Variants in SLIT3 observed in about 807,000 individuals in gnomAD.
SLIT3 encodes the protein slit guidance ligand 3.
SLIT3 carries 68 observed loss-of-function variants against 184.0 expected under a neutral mutation model. That is an observed-to-expected ratio of 0.37 (90% CI 0.30 to 0.45). The LOEUF (loss-of-function observed/expected upper bound fraction) is 0.45. Among genes scored for constraint, SLIT3 ranks in the 20% least tolerant of loss-of-function variants. The pLI is 1.00. For missense variants in SLIT3, 1,707 were observed against 2,026.0 expected (o/e 0.84, Z 3.02); for synonymous variants, 831 against 828.6 (o/e 1.00, Z -0.05).
chr5:168,997,505 G>C (rs1331748165), intron 4 of SLIT3, among the ~76,000 whole-genome samples: 1 of 152,114 alleles, frequency 6.6e-6, no homozygotes, highest in Non-Finnish European at 1.5e-5. Context: ...GGTATGCGTG[G>C]GGCCCAAGGA....
chr5:168,809,756 C>T (rs1757104210), intron 8 of SLIT3, among the ~76,000 whole-genome samples: 1 of 152,182 alleles, frequency 6.6e-6, no homozygotes, highest in Admixed American at 6.5e-5. Context: ...AAGATAAGTA[C>T]ATAAGGACAC....
At chr5:169,157,628 A>G (rs1014281566) in intron 4 of SLIT3, among the ~76,000 whole-genome samples, 1 of 152,232 alleles carries the variant, frequency 6.6e-6, no homozygotes, top group African/African-American at 2.4e-5. Flanking sequence ...GTCGCACAAC[A>G]TAATACTCAA....
intron 4 of SLIT3, among the ~76,000 whole-genome samples, chr5:168,967,405 C>T (rs1410772781): frequency 4.0e-5 from 6 of 148,992 alleles, no homozygotes; most frequent in Non-Finnish European, 8.9e-5. Context: ...TTCTAAGCTG[C>T]CTTGCATTCC....
chr5:168,773,786 G>A (rs147187730), intron 13 of SLIT3, among the ~76,000 whole-genome samples: 44 of 152,280 alleles, frequency 2.9e-4, no homozygotes, highest in Admixed American at 4.6e-4. Context: ...CAGGGTGGAG[G>A]GGGTTAAGCG....
chr5:169,251,462 G>A lies in SLIT3; in HGVS notation c.198-3C>T. ...TGATATTATTTCTGTCCAGGTCACT[G>A]CAATGGAGAGCAAATTCAGGTCAGA... On this transcript the variant is annotated splice_polypyrimidine_tract_variant and splice_region_variant and intron_variant, in intron 1 of 35. Coordinates refer to ENST00000519560, the MANE Select transcript of SLIT3 (RefSeq NM_003062.4). 6.2e-7 allele frequency: 1 copy of A among 1,604,500 alleles called. No individual in the cohort carries two copies. The highest frequency in any genetic ancestry group is 1.1e-5 in the South Asian group (1 of 90,878).
At chr5:168,848,856 T>A (rs1758576440) in intron 5 of SLIT3, among the ~76,000 whole-genome samples, 1 of 152,238 alleles carries the variant, frequency 6.6e-6, no homozygotes, top group African/African-American at 2.4e-5. Flanking sequence ...ATACTCCTAT[T>A]ATCACAGTTC....
At chr5:168,800,525 T>G (rs1756728650) in intron 9 of SLIT3, among the ~76,000 whole-genome samples, 1 of 152,128 alleles carries the variant, frequency 6.6e-6, no homozygotes, top group South Asian at 2.1e-4. Flanking sequence ...AGGCGGAGGT[T>G]GCAGTGAGCC....
chr5:169,268,602 G>A (rs1766484144), intron 1 of SLIT3, among the ~76,000 whole-genome samples: 1 of 152,190 alleles, frequency 6.6e-6, no homozygotes, highest in Admixed American at 6.5e-5. Context: ...GAAGGCAACA[G>A]GGCACGGAGT....
chr5:168,761,401 CCTG>C (rs1328456527), intron 15 of SLIT3, among the ~76,000 whole-genome samples: 2 of 152,040 alleles, frequency 1.3e-5, no homozygotes, highest in Middle Eastern at 3.2e-3. Flanking sequence ...GGGAAAGGGG[CCTG>C]CTGTTTCCTC....
intron 34 of SLIT3, among the ~76,000 whole-genome samples, chr5:168,670,918 G>T (rs944710790): frequency 6.6e-6 from 1 of 152,212 alleles, no homozygotes; most frequent in Admixed American, 6.5e-5. Context: ...CACAGAGACA[G>T]TGGGGGCTCA....
At chr5:169,042,495 G>A (rs1411841394) in intron 4 of SLIT3, among the ~76,000 whole-genome samples, 3 of 152,200 alleles carry the variant, frequency 2.0e-5, no homozygotes. Flanking sequence ...GTGCCCCTCT[G>A]CTCTCCTAGG....
At chr5:168,708,251 ATCCAG>A in intron 25 of SLIT3, 151 bp from the exon 26 acceptor site, 3 of 960,774 alleles carry the variant, frequency 3.1e-6, no homozygotes, top group Non-Finnish European at 4.7e-6. Flanking sequence ...CAGCCAGCAC[ATCCAG>A]TCCAGCTAGA....
chr5:168,889,699 A>C (rs1381242616), intron 4 of SLIT3, among the ~76,000 whole-genome samples: 1 of 152,234 alleles, frequency 6.6e-6, no homozygotes, highest in African/African-American at 2.4e-5. Context: ...TTGAATACCT[A>C]CTATGTGTTC....
At position 169,250,520 on chromosome 5, in the gene SLIT3, T is replaced by C. The variant is rs77390411; in HGVS notation, c.269+868A>G. Among the ~76,000 whole-genome samples, 1,264 of 152,350 alleles carry C rather than the reference T, an allele frequency of 8.3e-3. 17 individuals are homozygous for C. The highest frequency in any genetic ancestry group is 0.028 in the African/African-American group (1,165 of 41,582). On this transcript the variant is annotated intron_variant, in intron 2 of 35. Transcript: ENST00000519560. ...ATCAGGACCAGAGCCTGGTACTTTC[T>C]GAACCAAATACAAAATTCATTATAT... is the stretch of plus-strand genomic sequence containing the variant.
At position 168,919,320 on chromosome 5, in the gene SLIT3, T is replaced by C. The variant is rs191857828; in HGVS notation, c.414-35984A>G. 1.8e-4 allele frequency among the ~76,000 whole-genome samples: 27 copies of C among 152,134 alleles called. No homozygotes were observed. In the East Asian group the frequency reaches 4.8e-3, roughly 27 times the overall value. On this transcript the variant is annotated intron_variant, in intron 4 of 35. Coordinates refer to ENST00000519560, the MANE Select transcript of SLIT3 (RefSeq NM_003062.4). ...AACAAAATGATGTTTGTTGCAGCAT[T>C]GTATTAGCAGTACTAGAAACAATTT... is the stretch of plus-strand genomic sequence containing the variant.
intron 1 of SLIT3, among the ~76,000 whole-genome samples, chr5:169,259,865 G>GGA (rs10622605): frequency 0.32 from 48,405 of 151,900 alleles, 10,703 homozygotes; most frequent in African/African-American, 0.62. Context: ...GTCTAGCTGA[G>GGA]GATGAGCTAA....
chr5:168,876,251 T>G (rs942049453), intron 5 of SLIT3, among the ~76,000 whole-genome samples: 25 of 152,152 alleles, frequency 1.6e-4, no homozygotes, highest in African/African-American at 6.0e-4. Flanking sequence ...TCTGAACAAC[T>G]GCACAAGTCT....
chr5:169,063,157 T>G (rs1264277996), intron 4 of SLIT3, among the ~76,000 whole-genome samples: 1 of 152,182 alleles, frequency 6.6e-6, no homozygotes, highest in Non-Finnish European at 1.5e-5. Flanking sequence ...AAGTGCCAAT[T>G]GAGCCCCCGT....
intron 4 of SLIT3, among the ~76,000 whole-genome samples, chr5:168,916,221 A>G (rs116394055): frequency 1.4e-4 from 21 of 152,344 alleles, no homozygotes; most frequent in Admixed American, 1.3e-4. Context: ...CTCTTTTTAG[A>G]TGGAAAATGT....
Sources: allele counts gnomAD v4.1 joint callset (sites outside exome capture counted in the v4.1 genomes callset), GRCh38; gene constraint gnomAD v4.1.1; transcripts MANE v1.5; gene names NCBI Gene and HGNC (gene_info 2026-07-23, HGNC 2026-07-21).